The following MYO16 variants were observed in gnomAD, a reference collection of about 807,000 sequenced individuals.
MYO16 encodes myosin XVI, also known as unconventional myosin-XVI.
In MYO16, 94 loss-of-function variants were observed where a neutral mutation model predicts 205.3. The ratio of observed to expected loss-of-function variants is 0.46; its 90% CI spans 0.39 to 0.54. The LOEUF (loss-of-function observed/expected upper bound fraction) is 0.54, where lower values mean the gene tolerates loss of function less well. MYO16 is among the 20% of genes least tolerant of loss of function. The pLI is 0.00. For synonymous variants in MYO16, 988 were observed against 954.0 expected (o/e 1.04, Z -0.66); for missense variants, 2,315 against 2,387.5 (o/e 0.97, Z 0.63).
At chr13:108,963,438 A>C (rs1883663411) in intron 19 of MYO16, among the ~76,000 whole-genome samples, 1 of 152,164 alleles carries the variant, frequency 6.6e-6, no homozygotes, top group Middle Eastern at 3.2e-3. Flanking sequence ...CACACGCCAT[A>C]AATATCTCCC....
At chr13:108,768,670 G>T (rs1195579605) in intron 4 of MYO16, among the ~76,000 whole-genome samples, 1 of 152,126 alleles carries the variant, frequency 6.6e-6, no homozygotes, top group Admixed American at 6.5e-5. Flanking sequence ...CGTCTTTGAA[G>T]TGAGTTTTAA....
chr13:109,109,507 G>A (rs1889218925), intron 28 of MYO16, among the ~76,000 whole-genome samples: 1 of 151,772 alleles, frequency 6.6e-6, no homozygotes. Context: ...GCTGGGAAAC[G>A]AGTTCCCAAG....
At chr13:108,913,253 A>G (rs1881346057) in intron 16 of MYO16, among the ~76,000 whole-genome samples, 1 of 152,204 alleles carries the variant, frequency 6.6e-6, no homozygotes, top group South Asian at 2.1e-4. Context: ...CACCCTCCAG[A>G]TTCATGAATA....
intron 1 of MYO16, among the ~76,000 whole-genome samples, chr13:108,633,699 T>A (rs1880090358): frequency 1.3e-5 from 2 of 152,220 alleles, no homozygotes. Flanking sequence ...TGATCACACA[T>A]ATTAAACATG....
chr13:108,827,483 G>A lies in MYO16; in HGVS notation c.1097+4205G>A, dbSNP rs1236524779. On this transcript the variant is annotated intron_variant, in intron 9 of 34. Transcript: ENST00000457511. ...TTTAAATATTTGATGAATTGGAAATGCCTATGCTATTTGATTATCCCATAT... is the reference window on the plus strand; with the variant it reads ...TTTAAATATTTGATGAATTGGAAATACCTATGCTATTTGATTATCCCATAT... Among the ~76,000 whole-genome samples the A allele has an allele frequency of 3.3e-5, 5 of 152,146 alleles. No homozygotes were observed. The East Asian group carries it at 9.6e-4, about 29-fold the overall frequency.
At chr13:108,501,743 A>C in the MYO16 span, among the ~76,000 whole-genome samples, 1 of 152,322 alleles carries the variant, frequency 6.6e-6, no homozygotes, top group South Asian at 2.1e-4. Context: ...TATGGAGAAA[A>C]CCCAAAACGA....
intron 24 of MYO16, among the ~76,000 whole-genome samples, chr13:109,051,733 CT>C (rs1308777453): frequency 6.6e-6 from 1 of 152,036 alleles, no homozygotes; most frequent in African/African-American, 2.4e-5. Context: ...TTGCTTTTAC[CT>C]TTTCAGCTTA....
intron 20 of MYO16, among the ~76,000 whole-genome samples, chr13:108,983,160 A>C (rs2139418834): frequency 6.6e-6 from 1 of 152,328 alleles, no homozygotes; most frequent in East Asian, 1.9e-4. Context: ...AAATAAATAT[A>C]CCATGCAAAG....
chr13:109,056,595 G>T (rs934175166), intron 27 of MYO16, among the ~76,000 whole-genome samples: 3 of 151,992 alleles, frequency 2.0e-5, no homozygotes, highest in African/African-American at 7.2e-5. Context: ...AAATGCATAC[G>T]CAAATAATGG....
chr13:109,182,184 T>G (rs1879486828), intron 34 of MYO16, among the ~76,000 whole-genome samples: 1 of 152,166 alleles, frequency 6.6e-6, no homozygotes, highest in Non-Finnish European at 1.5e-5. Context: ...AATGGACATT[T>G]GTGATTTGGC....
chr13:108,624,029 A>C (rs1033651563), intron 1 of MYO16, among the ~76,000 whole-genome samples: 2 of 152,210 alleles, frequency 1.3e-5, no homozygotes, highest in Non-Finnish European at 2.9e-5. Context: ...ACTTAGTGTG[A>C]TTAAATTGTA....
chr13:108,767,563 T>C (rs1462492750), intron 4 of MYO16, among the ~76,000 whole-genome samples: 1 of 152,214 alleles, frequency 6.6e-6, no homozygotes, highest in Non-Finnish European at 1.5e-5. Context: ...TGGTTGGGTC[T>C]CAGTATTCTG....
chr13:108,883,179 A>G lies in MYO16; in HGVS notation c.1546A>G (p.Ile516Val). 6.2e-7 allele frequency: 1 copy of G among 1,613,740 alleles called. No homozygotes were observed. The change falls in exon 13 of 35, where the codon ATC (isoleucine) becomes GTC (valine). Residue 516 changes from isoleucine (I) to valine (V), a missense_variant. This residue lies in a region of MYO16 where 1,213 missense variants were observed against 1,274.4 expected (regional missense o/e 0.95). Transcript: ENST00000457511. ...LFREQRPQCFILSGERGSGKS... is the reference protein window; with the variant it reads ...LFREQRPQCFVLSGERGSGKS... ...CCGGGAACAGCGGCCTCAGTGTTTC[A>G]TCCTCAGGTGAGTCCTCCTCAACCT...
In MYO16 at chr13:109,019,854, G is replaced by A. The variant is rs368442918; in HGVS notation, c.2739G>A (p.Gly913=). ...AVYSPMKDGN[G]NVALKDHGTA... is the part of the protein sequence containing the mutation. ...ACTCCCCCATGAAGGATGGGAATGG[G>A]AATGTTGCCCTCAAAGACCACGGTA... Residue 913 remains glycine (G), a synonymous_variant, in exon 23 of 35, where the codon GGG becomes GGA. Coordinates refer to ENST00000457511, the MANE Select transcript of MYO16 (RefSeq NM_001198950.3). 38 of 1,614,146 alleles carry A rather than the reference G, an allele frequency of 2.4e-5. No individual in the cohort carries two copies. The African/African-American group carries it at 4.5e-4, about 19-fold the overall frequency.
intron 2 of MYO16, among the ~76,000 whole-genome samples, chr13:108,709,326 G>A (rs1883635300): frequency 6.6e-6 from 1 of 152,110 alleles, no homozygotes; most frequent in Non-Finnish European, 1.5e-5. Flanking sequence ...GTAATTCTGA[G>A]GCCAATAAAA....
At chr13:108,528,563 T>TCTCCTCTCTCCTTTCCC in the MYO16 span, among the ~76,000 whole-genome samples, 1 of 63,478 alleles carries the variant, frequency 1.6e-5, no homozygotes, top group African/African-American at 8.1e-5. Flanking sequence ...TCTCCTCTCC[T>TCTCCTCTCTCCTTTCCC]CTCCTCTCCC....
At chr13:109,123,513 T>C (rs116550135) in intron 29 of MYO16, among the ~76,000 whole-genome samples, 1,524 of 152,254 alleles carry the variant, frequency 0.01, 31 homozygotes, top group African/African-American at 0.035. Context: ...TTTTTCGCGC[T>C]CAAGGTGCCC....
chr13:109,081,796 G>T (rs1472093786), intron 27 of MYO16, among the ~76,000 whole-genome samples: 1 of 152,164 alleles, frequency 6.6e-6, no homozygotes, highest in Non-Finnish European at 1.5e-5. Context: ...TTGTATTTTA[G>T]GGTATAAAAC....
intron 23 of MYO16, among the ~76,000 whole-genome samples, chr13:109,029,555 A>G (rs1272480093): frequency 1.3e-5 from 2 of 152,174 alleles, no homozygotes; most frequent in African/African-American, 4.8e-5. Context: ...ACTAATCAAC[A>G]GGGCAGTTTT....
Sources: allele counts gnomAD v4.1 joint callset (sites outside exome capture counted in the v4.1 genomes callset), GRCh38; gene constraint gnomAD v4.1.1; regional missense constraint gnomAD v4.1.1; transcripts MANE v1.5; gene names NCBI Gene and HGNC (gene_info 2026-07-23, HGNC 2026-07-21).